The following VIT variants were observed in gnomAD, a reference collection of about 807,000 sequenced individuals.
VIT encodes the protein vitrin.
VIT carries 99 observed loss-of-function variants against 78.0 expected under a neutral mutation model. The observed-to-expected ratio is 1.27, with a 90% confidence interval of 1.08 to 1.50. VIT has a LOEUF of 1.50. VIT is among the 40% of genes most tolerant of loss of function. The probability of loss-of-function intolerance (pLI) is 0.00; values close to 1 mark genes in which losing one functional copy is unlikely to be tolerated. For missense variants in VIT, 1,126 were observed against 875.3 expected, an observed-to-expected ratio of 1.29 and a Z score of -3.61; for synonymous variants, 374 against 334.3, an observed-to-expected ratio of 1.12 and a Z score of -1.29.
chr2:36,711,661 C>T (rs916640262), intron 1 of VIT, among the ~76,000 whole-genome samples: 1 of 152,214 alleles, frequency 6.6e-6, no homozygotes, highest in Non-Finnish European at 1.5e-5. Context: ...AACACTATTC[C>T]AGGCTCTAGA....
intron 1 of VIT, among the ~76,000 whole-genome samples, chr2:36,710,564 C>A (rs181043581): frequency 9.2e-5 from 14 of 152,268 alleles, no homozygotes; most frequent in African/African-American, 2.6e-4. Context: ...CACTCCCACT[C>A]CCCAGGCTCC....
intron 4 of VIT, among the ~76,000 whole-genome samples, chr2:36,751,332 G>T (rs1445589968): frequency 6.6e-6 from 1 of 152,172 alleles, no homozygotes; most frequent in Non-Finnish European, 1.5e-5. Context: ...GAAGGCGGAG[G>T]TTGCAGTGAG....
chr2:36,736,361 T>A (rs897910657), intron 3 of VIT, among the ~76,000 whole-genome samples: 1 of 152,232 alleles, frequency 6.6e-6, no homozygotes, highest in African/African-American at 2.4e-5. Context: ...CTTTAACTTA[T>A]GAGACTTTCA....
chr2:36,800,660 G>A (rs993654726), intron 12 of VIT, among the ~76,000 whole-genome samples: 2 of 152,124 alleles, frequency 1.3e-5, no homozygotes, highest in Non-Finnish European at 2.9e-5. Context: ...CCACTCCGCC[G>A]CTTCGTGGGG....
At chr2:36,807,559 T>A (rs1666821828) in intron 14 of VIT, among the ~76,000 whole-genome samples, 1 of 152,236 alleles carries the variant, frequency 6.6e-6, no homozygotes, top group African/African-American at 2.4e-5. Flanking sequence ...CCAGGAAAGT[T>A]TGAAGCCATC....
intron 1 of VIT, among the ~76,000 whole-genome samples, chr2:36,714,231 A>C (rs1322278317): frequency 1.3e-5 from 2 of 152,226 alleles, no homozygotes; most frequent in Non-Finnish European, 2.9e-5. Flanking sequence ...ATATTATCTC[A>C]ACCCATAATC....
chr2:36,774,606 G>A, intron 8 of VIT: 2 of 985,402 alleles, frequency 2.0e-6, no homozygotes, highest in South Asian at 9.4e-5. Context: ...GCTTGCTACT[G>A]GATAGGAACA....
intron 9 of VIT, among the ~76,000 whole-genome samples, chr2:36,778,970 G>T (rs1670233375): frequency 6.6e-6 from 1 of 152,228 alleles, no homozygotes; most frequent in Non-Finnish European, 1.5e-5. Context: ...AGCCCAAAGG[G>T]CCATGTTTGC....
intron 3 of VIT, 113 bp from the exon 4 acceptor site, chr2:36,742,987 C>T (rs767708565): frequency 1.3e-4 from 181 of 1,345,322 alleles, no homozygotes; most frequent in Non-Finnish European, 1.7e-4. Context: ...GATGTAGAGT[C>T]GGCCCAGGCT....
At chr2:36,705,419 G>A (rs1232327856) in intron 1 of VIT, among the ~76,000 whole-genome samples, 1 of 152,162 alleles carries the variant, frequency 6.6e-6, no homozygotes, top group East Asian at 1.9e-4. Context: ...ACCATTGGTC[G>A]AAGCCTTTGT....
chr2:36,742,733 G>T (rs1320563690), intron 3 of VIT, among the ~76,000 whole-genome samples: 4 of 152,154 alleles, frequency 2.6e-5, no homozygotes, highest in Non-Finnish European at 5.9e-5. Context: ...GTAAGGCTGG[G>T]TTAGCTACAG....
intron 6 of VIT, among the ~76,000 whole-genome samples, chr2:36,760,375 A>T (rs1023969173): frequency 2.0e-5 from 3 of 151,184 alleles, no homozygotes; most frequent in East Asian, 1.9e-4. Context: ...CAAATAAGGA[A>T]TTTTTTTTGT....
intron 6 of VIT, among the ~76,000 whole-genome samples, chr2:36,766,396 G>C (rs1046999495): frequency 2.6e-5 from 4 of 152,234 alleles, no homozygotes; most frequent in African/African-American, 9.6e-5. Flanking sequence ...GGCAGGTATG[G>C]TGTCTTGCAC....
Position 36,769,236 on chromosome 2 carries a change from G to A in VIT, c.679+1951G>A, listed in dbSNP as rs550866556. Among the ~76,000 whole-genome samples, 8 of 152,300 alleles carry A rather than the reference G, an allele frequency of 5.3e-5. No individual in the cohort carries two copies. In the South Asian group the frequency reaches 8.3e-4, roughly 16 times the overall value. On this transcript the variant is annotated intron_variant, in intron 7 of 15. Transcript: ENST00000379242. The stretch of plus-strand genomic sequence containing the variant: ...GTTGTTTGCTCCTGTTTTCTCCTTA[G>A]AGGACTTTAAATTCTTACATAACAC...
At chr2:36,750,150 T>C (rs1668369048) in intron 4 of VIT, among the ~76,000 whole-genome samples, 1 of 152,250 alleles carries the variant, frequency 6.6e-6, no homozygotes, top group Non-Finnish European at 1.5e-5. Context: ...TGAATGCTAT[T>C]TCATAACTTC....
At chr2:36,806,174 C>G (rs937492372) in intron 14 of VIT, among the ~76,000 whole-genome samples, 1 of 152,158 alleles carries the variant, frequency 6.6e-6, no homozygotes, top group African/African-American at 2.4e-5. Flanking sequence ...AGCAATGCCT[C>G]CCTCACTCAC....
intron 1 of VIT, among the ~76,000 whole-genome samples, chr2:36,706,974 A>T (rs773330263): frequency 6.6e-6 from 1 of 152,034 alleles, no homozygotes; most frequent in Non-Finnish European, 1.5e-5. Context: ...CCTGCTCTGA[A>T]TTATAGGAAT....
intron 6 of VIT, 111 bp from the exon 7 acceptor site, chr2:36,766,983 G>A (rs1669469187): frequency 1.6e-6 from 2 of 1,255,210 alleles, no homozygotes; most frequent in Middle Eastern, 2.3e-4. Flanking sequence ...ACCGTGGCTA[G>A]CACAGCTCTG....
chr2:36,708,465 C>T (rs968787421), intron 1 of VIT, among the ~76,000 whole-genome samples: 1 of 152,116 alleles, frequency 6.6e-6, no homozygotes, highest in Non-Finnish European at 1.5e-5. Context: ...AAGCGAGTGG[C>T]TCAAGTAAGC....
Sources: allele counts gnomAD v4.1 joint callset (sites outside exome capture counted in the v4.1 genomes callset), GRCh38; gene constraint gnomAD v4.1.1; transcripts MANE v1.5; gene names NCBI Gene and HGNC (gene_info 2026-07-23, HGNC 2026-07-21).